The following PAG1 variants were observed in gnomAD, a reference collection of about 807,000 sequenced individuals.
The protein encoded by PAG1 is phosphoprotein associated with glycosphingolipid-enriched microdomains 1.
In PAG1, 23 loss-of-function variants were observed where a neutral mutation model predicts 31.7. That is an observed-to-expected ratio of 0.73 (90% CI 0.52 to 1.03). The LOEUF is 1.03. PAG1 is among the 50% of genes least tolerant of loss of function. PAG1 has a pLI of 0.00. For missense variants in PAG1, 473 were observed against 540.7 expected (o/e 0.87, Z 1.24); for synonymous variants, 214 against 210.3 (o/e 1.02, Z -0.15).
intron 2 of PAG1, among the ~76,000 whole-genome samples, chr8:81,047,732 G>T (rs1363195923): frequency 1.3e-5 from 2 of 152,136 alleles, no homozygotes; most frequent in African/African-American, 4.8e-5. Context: ...CTATGGTAAA[G>T]GAAACAGCTT....
intron 2 of PAG1, among the ~76,000 whole-genome samples, chr8:81,049,333 T>C (rs940835876): frequency 6.6e-6 from 1 of 152,360 alleles, no homozygotes; most frequent in African/African-American, 2.4e-5. Context: ...TTATATTATG[T>C]GCTACATTCT....
chr8:80,996,725 G>A (rs117029268), intron 3 of PAG1, among the ~76,000 whole-genome samples: 1 of 152,306 alleles, frequency 6.6e-6, no homozygotes, highest in Non-Finnish European at 1.5e-5. Context: ...CTGCCCCTAG[G>A]CTGGACCCTC....
intron 2 of PAG1, among the ~76,000 whole-genome samples, chr8:81,061,896 A>T (rs1808924168): frequency 6.6e-6 from 1 of 152,148 alleles, no homozygotes; most frequent in South Asian, 2.1e-4. Context: ...CAACCTATAA[A>T]AGCCATCTTT....
intron 1 of PAG1, among the ~76,000 whole-genome samples, chr8:81,071,869 T>G (rs1809099403): frequency 6.6e-6 from 1 of 152,184 alleles, no homozygotes; most frequent in African/African-American, 2.4e-5. Flanking sequence ...ACAGCCCTTG[T>G]GACAAAACCC....
rs1021176777 is a variant in PAG1, at chr8:81,010,437, T to C, written c.-80-17130A>G. Among the ~76,000 whole-genome samples, 10 of 152,338 alleles carry C rather than the reference T, an allele frequency of 6.6e-5. No individual in the cohort carries two copies. In the East Asian group the frequency reaches 7.7e-4, roughly 12 times the overall value. On this transcript the variant is annotated intron_variant, in intron 3 of 8. Transcript: ENST00000220597. ...GTTATATGGCTATTGTAATTTATTA[T>C]AGAAATTAAAATAGCATTATTTTTA... is the stretch of plus-strand genomic sequence containing the variant.
rs572971835 is a variant in PAG1, at chr8:81,009,873, C to T, written c.-80-16566G>A. 2.3e-4 allele frequency among the ~76,000 whole-genome samples: 35 copies of T among 152,318 alleles called. No individual in the cohort carries two copies. The East Asian group carries it at 4.0e-3, about 18-fold the overall frequency. ...CAAGTGATCCTCCTACCTTGGCCTCCGAAAGTGCTGGGATCACAGGTGTGA... is the reference window on the plus strand; with the variant it reads ...CAAGTGATCCTCCTACCTTGGCCTCTGAAAGTGCTGGGATCACAGGTGTGA... On this transcript the variant is annotated intron_variant, in intron 3 of 8. Transcript: ENST00000220597.
At position 80,993,238 on chromosome 8, in the gene PAG1, G is replaced by T; in HGVS notation, c.-11C>A. ...CCCCGCGGGCCCCATGGCAGGAGCA[G>T]GCACTGGCACCAGCCGAGGGAATCA... On this transcript the variant is annotated 5_prime_UTR_variant, in exon 4 of 9. It adds an upstream start codon to the 5' untranslated region. Transcript: ENST00000220597. The T allele has an allele frequency of 6.3e-7, 1 of 1,597,772 alleles. No individual in the cohort carries two copies.
chr8:81,037,624 A>G (rs1808482728), intron 2 of PAG1, among the ~76,000 whole-genome samples: 1 of 152,250 alleles, frequency 6.6e-6, no homozygotes, highest in South Asian at 2.1e-4. Flanking sequence ...CAGTACTTAA[A>G]TGTTGCTTTA....
At position 81,076,383 on chromosome 8, in the gene PAG1, T is replaced by C. The variant is rs115268483; in HGVS notation, c.-233-6213A>G. Among the ~76,000 whole-genome samples, 1,478 of 152,312 alleles carry C rather than the reference T, an allele frequency of 9.7e-3. 26 individuals carry two copies. Among genetic ancestry groups the C allele is most frequent in the African/African-American group, 0.032 (1,346 of 41,550 alleles). ...CAAGGATGATGTGAGGGTGACTAGA[T>C]GGGCCTGAGGTCCTTGGGTAGGAGG... On this transcript the variant is annotated intron_variant, in intron 1 of 8. Transcript: ENST00000220597.
At chr8:81,031,038 T>G (rs1338983307) in intron 2 of PAG1, among the ~76,000 whole-genome samples, 3 of 152,114 alleles carry the variant, frequency 2.0e-5, no homozygotes, top group African/African-American at 7.2e-5. Context: ...ACAAACGGAG[T>G]GGAACGTGAG....
intron 1 of PAG1, among the ~76,000 whole-genome samples, chr8:81,095,064 C>T (rs1281039248): frequency 6.6e-5 from 10 of 152,144 alleles, no homozygotes; most frequent in Admixed American, 1.3e-4. Context: ...CCATGAACTC[C>T]CTGCATCAGG....
chr8:81,020,955 A>G (rs1808157150), intron 3 of PAG1, among the ~76,000 whole-genome samples: 1 of 152,230 alleles, frequency 6.6e-6, no homozygotes, highest in South Asian at 2.1e-4. Context: ...ACAGATACGA[A>G]AAATGACATC....
intron 3 of PAG1, among the ~76,000 whole-genome samples, chr8:80,995,084 A>G (rs1283287845): frequency 3.3e-5 from 5 of 152,246 alleles, no homozygotes; most frequent in Non-Finnish European, 7.3e-5. Flanking sequence ...ATGTGGTTCA[A>G]TTGGACCAAA....
intron 1 of PAG1, among the ~76,000 whole-genome samples, chr8:81,072,530 T>C (rs575009456): frequency 6.6e-6 from 1 of 152,316 alleles, no homozygotes; most frequent in African/African-American, 2.4e-5. Flanking sequence ...TGGTCTAAAA[T>C]GAATGATGAC....
chr8:80,970,936 T>A lies in PAG1; in HGVS notation c.*5608A>T, dbSNP rs928310468. 2 of 152,424 alleles carry A rather than the reference T, an allele frequency of 1.3e-5. No homozygotes were observed. The highest frequency in any genetic ancestry group is 4.8e-5 in the African/African-American group (2 of 41,300). The allele number at this position is 152,424 out of a possible 1,614,324, so 9.4% of individuals were successfully genotyped here. On this transcript the variant is annotated 3_prime_UTR_variant, in exon 9 of 9. Transcript: ENST00000220597. ...TGAACAGCAGATACAGAAGGCTGAG[T>A]GGGGAAGCGACCCAGGGGTATTGCC...
At chr8:81,018,896 C>T (rs2083184) in intron 3 of PAG1, among the ~76,000 whole-genome samples, 96,041 of 152,028 alleles carry the variant, frequency 0.63, 30,821 homozygotes, top group Admixed American at 0.7. Context: ...AGGCAGAGGT[C>T]GGAATAGTTT....
intron 2 of PAG1, among the ~76,000 whole-genome samples, chr8:81,044,409 A>T (rs1410533908): frequency 1.3e-5 from 2 of 152,186 alleles, no homozygotes; most frequent in African/African-American, 2.4e-5. Flanking sequence ...TGCCATCTGA[A>T]GCCATAGGCA....
At chr8:81,052,271 A>ACT (rs1368659274) in intron 2 of PAG1, among the ~76,000 whole-genome samples, 1 of 152,034 alleles carries the variant, frequency 6.6e-6, no homozygotes, top group Non-Finnish European at 1.5e-5. Flanking sequence ...TTTATGTGAT[A>ACT]CTCTGTGTCG....
intron 2 of PAG1, among the ~76,000 whole-genome samples, chr8:81,030,817 A>G (rs1306338983): frequency 6.6e-6 from 1 of 152,132 alleles, no homozygotes; most frequent in African/African-American, 2.4e-5. Context: ...TCTCTCCCAT[A>G]TTGAACACTC....
Sources: gnomAD v4.1 joint callset for allele counts (sites outside exome capture counted in the v4.1 genomes callset) on GRCh38, gnomAD v4.1.1 for gene constraint, MANE v1.5 for transcripts, NCBI Gene and HGNC (gene_info 2026-07-23, HGNC 2026-07-21) for gene names.